The following DHRS4 variants were observed in gnomAD, a reference collection of about 807,000 sequenced individuals.
DHRS4 encodes dehydrogenase/reductase SDR family member 4.
Under a neutral mutation model 28.4 loss-of-function variants are expected in DHRS4, and 20 were observed. The ratio of observed to expected loss-of-function variants is 0.71; its 90% CI spans 0.50 to 1.02. DHRS4 has a LOEUF of 1.02. DHRS4 is among the 50% of genes least tolerant of loss of function. The pLI is 0.00. For synonymous variants in DHRS4, 144 were observed against 146.4 expected (o/e 0.98, Z 0.12); for missense variants, 378 against 367.2 (o/e 1.03, Z -0.24).
chr14:23,968,890 C>G lies in DHRS4; in HGVS notation c.*19C>G. On this transcript the variant is annotated 3_prime_UTR_variant, in exon 8 of 8. Transcript: ENST00000313250. ...CCTCTGAGGACCGGGAGACAGCCCA[C>G]AGGCCAGAGTTGGGCTCTAGCTCCT... 1 of 1,605,854 alleles carries G rather than the reference C, an allele frequency of 6.2e-7. No individual in the cohort carries two copies. The highest frequency in any genetic ancestry group is 8.5e-7 in the Non-Finnish European group (1 of 1,176,334).
Position 23,956,658 on chromosome 14 carries a change from G to T in DHRS4, c.306+1446G>T, listed in dbSNP as rs1594415875. 7.7e-5 allele frequency among the ~76,000 whole-genome samples: 11 copies of T among 143,576 alleles called. No individual in the cohort carries two copies. In the South Asian group the frequency reaches 2.4e-3, roughly 32 times the overall value. The allele number at this position is 143,576 out of a possible 152,430, so 94.2% of individuals were successfully genotyped here. On this transcript the variant is annotated intron_variant, in intron 2 of 7. Coordinates refer to ENST00000313250, the MANE Select transcript of DHRS4 (RefSeq NM_021004.4). The stretch of plus-strand genomic sequence containing the variant: ...TCATTCTTGTTGCCCAGGCTGAAGT[G>T]ATATGGCACAATCTCAGCTCACTGC...
At chr14:23,957,607 A>AG (rs1389497624) in intron 2 of DHRS4, among the ~76,000 whole-genome samples, 2 of 149,506 alleles carry the variant, frequency 1.3e-5, no homozygotes, top group Non-Finnish European at 3.0e-5. Flanking sequence ...CCCAGGCTGC[A>AG]GTGCAGTGAC....
intron 2 of DHRS4, among the ~76,000 whole-genome samples, chr14:23,959,245 T>C (rs942977234): frequency 6.6e-6 from 1 of 151,998 alleles, no homozygotes; most frequent in South Asian, 2.1e-4. Context: ...CTTGGAAGAA[T>C]AGGAGGTGGG....
rs17422812 is a variant in DHRS4 at position 23,959,971 on chromosome 14, A to C, written c.376A>C (p.Ile126Leu). The C allele has an allele frequency of 6.8e-3, 10,842 of 1,604,286 alleles. 105 individuals carry two copies. The highest frequency in any genetic ancestry group is 0.014 in the African/African-American group (1,025 of 71,650). Residue 126 changes from isoleucine to leucine, a missense_variant, in exon 3 of 8, where the codon ATA becomes CTA. Ile to Leu is a conservative substitution (Grantham distance 5). Transcript: ENST00000313250. ...TGCTGTCAACCCTTTCTTTGGAAGC[A>C]TAATGGATGTCACTGAGGAGGTGTG... The part of the protein sequence containing the change: ...NAAVNPFFGS[I>L]MDVTEEVWDK...
rs1427022082 is a variant in DHRS4 at position 23,968,933 on chromosome 14, C to T, written c.*62C>T. 1 of 1,598,748 alleles carries T rather than the reference C, an allele frequency of 6.3e-7. No homozygotes were observed. Among genetic ancestry groups the T allele is most frequent in the East Asian group, 2.3e-5 (1 of 44,352 alleles). On this transcript the variant is annotated 3_prime_UTR_variant, in exon 8 of 8. Coordinates refer to ENST00000313250, the MANE Select transcript of DHRS4 (RefSeq NM_021004.4). ...TAGCTCCTGGTGCTGTTCCCGCATT[C>T]ACCCACTGGCCTTTCCCACCTCTGC...
At position 23,955,096 on chromosome 14, in the gene DHRS4, C is replaced by G. The variant is rs550046703; in HGVS notation, c.190C>G (p.Arg64Gly). Reference sequence around the variant, plus strand: ...CGGGGCCCATGTGGTCGTCAGCAGCCGGAAGCAGCAGAATGTGGACCAGGC... The same window carrying G: ...CGGGGCCCATGTGGTCGTCAGCAGCGGGAAGCAGCAGAATGTGGACCAGGC... ...QDGAHVVVSS[R>G]KQQNVDQAVA... is the part of the protein sequence containing the mutation. Residue 64 changes from arginine to glycine, a missense_variant, in exon 2 of 8, where the codon CGG becomes GGG. Physicochemically the swap from Arg to Gly is moderately radical, Grantham distance 125. Coordinates refer to ENST00000313250, the MANE Select transcript of DHRS4 (RefSeq NM_021004.4). 5.6e-6 allele frequency: 9 copies of G among 1,614,156 alleles called. No individual in the cohort carries two copies. Among genetic ancestry groups the G allele is most frequent in the Non-Finnish European group, 5.9e-6 (7 of 1,179,992 alleles).
Position 23,968,877 on chromosome 14 carries a change from G to C in DHRS4, c.*6G>C, listed in dbSNP as rs371262742. The stretch of plus-strand genomic sequence containing the variant: ...GAACCCCGTCCCGCCTCTGAGGACC[G>C]GGAGACAGCCCACAGGCCAGAGTTG... On this transcript the variant is annotated 3_prime_UTR_variant, in exon 8 of 8. Coordinates refer to ENST00000313250, the MANE Select transcript of DHRS4 (RefSeq NM_021004.4). 2,049 of 1,605,914 alleles carry C rather than the reference G, an allele frequency of 1.3e-3. 30 individuals are homozygous for C. In the African/African-American group the frequency reaches 0.019, roughly 15 times the overall value.
chr14:23,957,507 C>T (rs751923114), intron 2 of DHRS4, among the ~76,000 whole-genome samples: 4 of 151,552 alleles, frequency 2.6e-5, no homozygotes, highest in Non-Finnish European at 4.4e-5. Context: ...AGCTCCTAAC[C>T]GCTTTGGTGT....
chr14:23,963,427 C>G (rs1594429663), intron 3 of DHRS4, among the ~76,000 whole-genome samples: 1 of 139,460 alleles, frequency 7.2e-6, no homozygotes, highest in Non-Finnish European at 1.5e-5. Flanking sequence ...CATCAGCACT[C>G]GCTGCTTCAT....
chr14:23,955,270 C>T, intron 2 of DHRS4, 58 bp downstream of exon 2: 2 of 1,544,866 alleles, frequency 1.3e-6, no homozygotes, highest in Non-Finnish European at 1.7e-6. Flanking sequence ...CCAGCCTGAG[C>T]CTCCTTCCCT....
intron 1 of DHRS4, 45 bp from the exon 2 acceptor site, chr14:23,954,990 T>A (rs1379962195): frequency 5.0e-6 from 8 of 1,608,072 alleles, no homozygotes; most frequent in Non-Finnish European, 6.8e-6. Flanking sequence ...GTCGACCTCT[T>A]CCCCTGCACA....
At chr14:23,966,786 C>T (rs1380537549) in intron 6 of DHRS4, among the ~76,000 whole-genome samples, 63 of 152,360 alleles carry the variant, frequency 4.1e-4, no homozygotes, top group African/African-American at 1.5e-3. Flanking sequence ...GGAAGTCTCT[C>T]TCCCCATCCC....
At chr14:23,958,326 A>AC (rs1316527973) in intron 2 of DHRS4, among the ~76,000 whole-genome samples, 1 of 152,096 alleles carries the variant, frequency 6.6e-6, no homozygotes, top group Non-Finnish European at 1.5e-5. Context: ...TGTTAGTAAC[A>AC]CCCCTCTGTG....
Position 23,955,018 on chromosome 14 carries a change from T to G in DHRS4, c.129-17T>G. The G allele has an allele frequency of 6.2e-7, 1 of 1,614,090 alleles. No individual in the cohort carries two copies. The highest frequency in any genetic ancestry group is 2.2e-5 in the East Asian group (1 of 44,892). On this transcript the variant is annotated splice_polypyrimidine_tract_variant and intron_variant, in intron 1 of 7. Coordinates refer to ENST00000313250, the MANE Select transcript of DHRS4 (RefSeq NM_021004.4). ...CCTGCACAGGCCTTAGCAGTCTTTG[T>G]CTCTTTCTGCTCACAGGATCGGCTT...
chr14:23,966,200 T>A (rs2033611226), intron 5 of DHRS4, 83 bp from the exon 6 acceptor site: 1 of 1,579,518 alleles, frequency 6.3e-7, no homozygotes, highest in Non-Finnish European at 8.6e-7. Context: ...AGATCCCTAT[T>A]GAGCACTGCC....
At chr14:23,955,804 G>T (rs187366832) in intron 2 of DHRS4, among the ~76,000 whole-genome samples, 1 of 152,164 alleles carries the variant, frequency 6.6e-6, no homozygotes, top group Admixed American at 6.5e-5. Context: ...GTGGACTACC[G>T]GGTACTGGAC....
chr14:23,967,346 C>T (rs973725553), intron 7 of DHRS4, 80 bp downstream of exon 7: 4 of 1,477,354 alleles, frequency 2.7e-6, no homozygotes, highest in Admixed American at 3.9e-5. Context: ...AGCCCGCTGT[C>T]TCAGTCCCAC....
intron 6 of DHRS4, 133 bp from the exon 7 acceptor site, chr14:23,967,078 C>T (rs1167544297): frequency 8.9e-5 from 79 of 890,744 alleles, no homozygotes; most frequent in Non-Finnish European, 1.2e-4. Context: ...TGGCATAACC[C>T]GGGAGGCGGA....
At chr14:23,964,389 A>G (rs534152860) in intron 3 of DHRS4, among the ~76,000 whole-genome samples, 9,226 of 147,478 alleles carry the variant, frequency 0.063, 916 homozygotes, top group African/African-American at 0.22. Flanking sequence ...TTTAAAAAAC[A>G]CACACACACA....
Sources: allele counts gnomAD v4.1 joint callset (sites outside exome capture counted in the v4.1 genomes callset), GRCh38; gene constraint gnomAD v4.1.1; transcripts MANE v1.5; gene names NCBI Gene and HGNC (gene_info 2026-07-23, HGNC 2026-07-21).